PHIP: variants seen among roughly 807,000 people sequenced by gnomAD.
PHIP encodes PH-interacting protein.
Under a neutral mutation model 236.8 loss-of-function variants are expected in PHIP, and 54 were observed. The observed-to-expected ratio is 0.23, with a 90% confidence interval of 0.18 to 0.29. The LOEUF is 0.29. PHIP is among the 10% of genes least tolerant of loss of function. The pLI is 1.00. For synonymous variants in PHIP, 756 were observed against 718.9 expected (o/e 1.05, Z -0.83); for missense variants, 1,370 against 2,190.8 (o/e 0.63, Z 7.48).
intron 38 of PHIP, 71 bp downstream of exon 38, chr6:78,945,930 G>A: frequency 4.7e-6 from 5 of 1,074,262 alleles, no homozygotes; most frequent in Non-Finnish European, 7.0e-6. Flanking sequence ...TCAGTATATT[G>A]CATTTGGCAA....
chr6:78,993,432 G>A (rs186485588), intron 19 of PHIP, among the ~76,000 whole-genome samples: 2 of 151,918 alleles, frequency 1.3e-5, no homozygotes, highest in East Asian at 3.9e-4. Context: ...CACAGCTAGA[G>A]AGAAGTAAGG....
At chr6:79,077,366 GTC>G (rs1479416489) in intron 4 of PHIP, 80 bp downstream of exon 4, 1 of 1,291,084 alleles carries the variant, frequency 7.7e-7, no homozygotes, top group Non-Finnish European at 1.1e-6. Flanking sequence ...CCAAGTTTTT[GTC>G]TCTGTAAAAA....
chr6:78,955,403 A>C (rs1766346056), intron 33 of PHIP, 121 bp from the exon 34 acceptor site: 1 of 684,372 alleles, frequency 1.5e-6, no homozygotes, highest in Admixed American at 3.5e-5. Context: ...ATGCTGGGGC[A>C]CTTTATTGAC....
intron 15 of PHIP, among the ~76,000 whole-genome samples, chr6:79,010,091 G>A (rs1427250950): frequency 6.6e-6 from 1 of 151,444 alleles, no homozygotes; most frequent in East Asian, 1.9e-4. Context: ...GGAAGGGAGG[G>A]AGGGAGAAAG....
intron 7 of PHIP, 117 bp downstream of exon 7, chr6:79,042,726 G>T: frequency 1.5e-6 from 1 of 660,150 alleles, no homozygotes; most frequent in Non-Finnish European, 2.4e-6. Context: ...GAAACCACCT[G>T]AATTTCCGGT....
chr6:79,028,205 A>C (rs925326814), intron 7 of PHIP, among the ~76,000 whole-genome samples: 1 of 152,126 alleles, frequency 6.6e-6, no homozygotes, highest in African/African-American at 2.4e-5. Flanking sequence ...AATTTGTGAA[A>C]GGCCTTTTAC....
rs774075356 is a variant in PHIP at position 79,025,587 on chromosome 6, A to G, written c.855T>C (p.Tyr285=). 5.0e-6 allele frequency: 8 copies of G among 1,611,670 alleles called. No homozygotes were observed. The South Asian group carries it at 5.5e-5, about 11-fold the overall frequency. The stretch of plus-strand genomic sequence containing the variant: ...TGCCATCTGCCCCAGTAGAAGATAG[A>G]TATCTCTTTGAGCCACTGCACAATG... ...FSPLCSGSKR[Y]LSSTGADGTI... is the part of the protein sequence containing the mutation. The change falls in exon 9 of 40, where the codon TAT becomes TAC. Residue 285 remains tyrosine (Y), a synonymous_variant. Coordinates refer to ENST00000275034, the MANE Select transcript of PHIP (RefSeq NM_017934.7).
rs757096878 is a variant in PHIP, at chr6:79,017,391, A to G, written c.1096-5T>C. ...CTGGATACTGTCAACTTTGTCCTATATATAAACAAATAAACAAAAAAGTGG... is the reference window on the plus strand; with the variant it reads ...CTGGATACTGTCAACTTTGTCCTATGTATAAACAAATAAACAAAAAAGTGG... On this transcript the variant is annotated splice_region_variant and splice_polypyrimidine_tract_variant and intron_variant, in intron 11 of 39. Transcript: ENST00000275034. The G allele has an allele frequency of 6.3e-7, 1 of 1,584,952 alleles. No homozygotes were observed. The highest frequency in any genetic ancestry group is 1.7e-4 in the Middle Eastern group (1 of 5,876).
intron 35 of PHIP, among the ~76,000 whole-genome samples, chr6:78,950,499 A>T (rs2127686334): frequency 6.6e-6 from 1 of 152,336 alleles, no homozygotes; most frequent in East Asian, 1.9e-4. Flanking sequence ...GAAAACTTAT[A>T]ATCACAAATT....
At chr6:79,025,697 T>C (rs920873157) in intron 8 of PHIP, 78 bp from the exon 9 acceptor site, 72 of 917,882 alleles carry the variant, frequency 7.8e-5, no homozygotes, top group Non-Finnish European at 1.2e-4. Context: ...GCCATACAAA[T>C]AGCAACTAAC....
intron 39 of PHIP, among the ~76,000 whole-genome samples, chr6:78,942,415 G>A (rs983232774): frequency 2.6e-5 from 4 of 152,124 alleles, no homozygotes; most frequent in African/African-American, 9.7e-5. Context: ...CCCAGGAGGC[G>A]GAGGTTGCAG....
At position 78,978,706 on chromosome 6, in the gene PHIP, C is replaced by A; in HGVS notation, c.2775G>T (p.Leu925Phe). 6.3e-7 allele frequency: 1 copy of A among 1,592,920 alleles called. No homozygotes were observed. The highest frequency in any genetic ancestry group is 8.6e-7 in the Non-Finnish European group (1 of 1,165,586). ...KKPKERKQKR[L>F]AVGELTENGL... is the part of the protein sequence containing the mutation. ...CATTTTCAGTTAGTTCTCCCACAGC[C>A]AATCTCTGACAAAATTTAAGTAATA... The change falls in exon 24 of 40, where the codon TTG becomes TTT. Residue 925 changes from leucine (L) to phenylalanine (F), a missense_variant. Transcript: ENST00000275034.
At chr6:78,991,812 T>C (rs1769265356) in intron 19 of PHIP, among the ~76,000 whole-genome samples, 1 of 152,060 alleles carries the variant, frequency 6.6e-6, no homozygotes, top group Admixed American at 6.5e-5. Context: ...AATTTAAATC[T>C]TGTGAAAAGA....
At chr6:78,948,756 A>G (rs1773972460) in intron 35 of PHIP, among the ~76,000 whole-genome samples, 1 of 152,196 alleles carries the variant, frequency 6.6e-6, no homozygotes, top group Admixed American at 6.5e-5. Context: ...GACCTCCCAA[A>G]GTGCTGGGAT....
At chr6:78,970,965 C>A (rs1436827581) in intron 24 of PHIP, 77 bp from the exon 25 acceptor site, 3 of 952,534 alleles carry the variant, frequency 3.1e-6, no homozygotes, top group Non-Finnish European at 4.7e-6. Context: ...GCTGAAATTG[C>A]AAAGAGAAAA....
chr6:79,002,713 A>T (rs1005213282), intron 16 of PHIP, among the ~76,000 whole-genome samples: 1 of 152,128 alleles, frequency 6.6e-6, no homozygotes. Flanking sequence ...ACCACTAAAA[A>T]TAAGCTATTC....
chr6:78,966,209 A>T (rs1282353487), intron 27 of PHIP, among the ~76,000 whole-genome samples, 153 bp from the exon 28 acceptor site: 1 of 152,246 alleles, frequency 6.6e-6, no homozygotes, highest in Non-Finnish European at 1.5e-5. Flanking sequence ...AAGTACAATC[A>T]GCAATACCAA....
Position 78,980,759 on chromosome 6 carries a change from T to G in PHIP, c.2770-2048A>C, listed in dbSNP as rs184836934. Reference sequence around the variant, plus strand: ...TTATTCAGAGCAGCTGCTATCAGTTTTGTATACTGAGGAGCTAAAAGTTTG... The same window carrying G: ...TTATTCAGAGCAGCTGCTATCAGTTGTGTATACTGAGGAGCTAAAAGTTTG... On this transcript the variant is annotated intron_variant, in intron 23 of 39. Transcript: ENST00000275034. Among the ~76,000 whole-genome samples, 16 of 152,150 alleles carry G rather than the reference T, an allele frequency of 1.1e-4. No individual in the cohort carries two copies. The East Asian group carries it at 3.1e-3, about 29-fold the overall frequency.
In PHIP at chr6:79,016,008, T is replaced by A. The variant is rs143076979; in HGVS notation, c.1236-225A>T. 1.9e-3 allele frequency among the ~76,000 whole-genome samples: 296 copies of A among 152,006 alleles called. 5 individuals carry two copies. In the East Asian group the frequency reaches 0.029, roughly 15 times the overall value. Reference sequence around the variant, plus strand: ...CACTTCTAAGCCATTAGTAAGATGATCTTGCATAAATATCACTGCTATAAC... The same window carrying A: ...CACTTCTAAGCCATTAGTAAGATGAACTTGCATAAATATCACTGCTATAAC... On this transcript the variant is annotated intron_variant, in intron 13 of 39. Coordinates refer to ENST00000275034, the MANE Select transcript of PHIP (RefSeq NM_017934.7).
Sources: allele counts gnomAD v4.1 joint callset (sites outside exome capture counted in the v4.1 genomes callset), GRCh38; gene constraint gnomAD v4.1.1; transcripts MANE v1.5; gene names NCBI Gene and HGNC (gene_info 2026-07-23, HGNC 2026-07-21).